The following CDK5RAP2 variants were observed in gnomAD, a reference collection of about 807,000 sequenced individuals.
CDK5RAP2 encodes CDK5 regulatory subunit-associated protein 2.
In CDK5RAP2, 147 loss-of-function variants were observed where a neutral mutation model predicts 232.9. The ratio of observed to expected loss-of-function variants is 0.63; its 90% CI spans 0.55 to 0.72. The LOEUF is 0.72. Ranked by LOEUF, CDK5RAP2 falls within the 30% of genes least tolerant of loss-of-function variation. The pLI is 0.00. For missense variants in CDK5RAP2, 2,195 were observed against 2,231.5 expected (o/e 0.98, Z 0.33); for synonymous variants, 833 against 833.7 (o/e 1.00, Z 0.01).
At chr9:120,470,008 GGA>G in intron 17 of CDK5RAP2, 101 bp downstream of exon 17, 2 of 675,876 alleles carry the variant, frequency 3.0e-6, no homozygotes, top group Non-Finnish European at 5.4e-6. Flanking sequence ...CAGGAAGGAA[GGA>G]GAGAGGCCTT....
intron 10 of CDK5RAP2, among the ~76,000 whole-genome samples, chr9:120,526,813 T>C (rs1158336206): frequency 6.6e-6 from 1 of 152,176 alleles, no homozygotes; most frequent in Non-Finnish European, 1.5e-5. Context: ...AACTCCAAAC[T>C]GTCTGTGGTG....
Position 120,580,137 on chromosome 9 carries a change from C to T in CDK5RAP2, c.-159G>A, listed in dbSNP as rs554211842. The T allele has an allele frequency of 3.9e-4, 229 of 590,028 alleles. No homozygotes were observed. The African/African-American group carries it at 4.1e-3, about 10-fold the overall frequency. The allele number at this position is 590,028 out of a possible 1,614,324, so 36.5% of individuals were successfully genotyped here. On this transcript the variant is annotated 5_prime_UTR_variant, in exon 1 of 38. The change abolishes an upstream ATG in the 5' untranslated region. Coordinates refer to ENST00000349780, the MANE Select transcript of CDK5RAP2 (RefSeq NM_018249.6). Reference sequence around the variant, plus strand: ...CTGGAATTCAAACCACAGACGCCGCCATCTTTCCCGGCGCTTCTTCCTACG... The same window carrying T: ...CTGGAATTCAAACCACAGACGCCGCTATCTTTCCCGGCGCTTCTTCCTACG...
At chr9:120,531,468 G>A (rs2041150353) in intron 7 of CDK5RAP2, among the ~76,000 whole-genome samples, 2 of 152,148 alleles carry the variant, frequency 1.3e-5, no homozygotes, top group African/African-American at 4.8e-5. Flanking sequence ...GCCATGGCAA[G>A]TAATTCCATC....
rs113168498 is a variant in CDK5RAP2 at position 120,474,107 on chromosome 9, C to T, written c.1728-2229G>A. Among the ~76,000 whole-genome samples the T allele has an allele frequency of 1.9e-3, 295 of 152,244 alleles. 1 individual carries two copies. The highest frequency in any genetic ancestry group is 6.7e-3 in the African/African-American group (278 of 41,546). ...AACTAACTGAGTCCTGATTTCCTCA[C>T]GCAAAATGGGAATAATAATACCTTT... On this transcript the variant is annotated intron_variant, in intron 15 of 37. Coordinates refer to ENST00000349780, the MANE Select transcript of CDK5RAP2 (RefSeq NM_018249.6).
chr9:120,532,827 T>C (rs1294726003), intron 7 of CDK5RAP2, among the ~76,000 whole-genome samples: 1 of 152,158 alleles, frequency 6.6e-6, no homozygotes. Context: ...ATGCCGCCTT[T>C]AGCAAAGCTC....
intron 21 of CDK5RAP2, among the ~76,000 whole-genome samples, chr9:120,450,828 G>A (rs2036443208): frequency 6.6e-6 from 1 of 152,218 alleles, no homozygotes; most frequent in Admixed American, 6.5e-5. Flanking sequence ...AGGTTCAAGA[G>A]TCAGACCTCA....
intron 5 of CDK5RAP2, among the ~76,000 whole-genome samples, chr9:120,540,816 C>T (rs1402673147): frequency 6.6e-6 from 1 of 152,250 alleles, no homozygotes; most frequent in African/African-American, 2.4e-5. Flanking sequence ...GTGCTCTGCA[C>T]ACTAGCCCTT....
intron 20 of CDK5RAP2, among the ~76,000 whole-genome samples, chr9:120,454,491 C>T (rs539764321): frequency 1.3e-5 from 2 of 152,328 alleles, no homozygotes; most frequent in South Asian, 4.1e-4. Context: ...AGTATTCCTC[C>T]ACAAGACAGC....
At chr9:120,507,926 AAAAAAAAAAAAAAAAAATAT>A (rs1234870163) in intron 12 of CDK5RAP2, among the ~76,000 whole-genome samples, 3 of 68,446 alleles carry the variant, frequency 4.4e-5, no homozygotes, top group Non-Finnish European at 6.5e-5. Flanking sequence ...AAAAAAAAAA[AAAAAAAAAAAAAAAAAATAT>A]ATATATATAT....
At chr9:120,496,080 G>A (rs1158002605) in intron 12 of CDK5RAP2, among the ~76,000 whole-genome samples, 5 of 63,908 alleles carry the variant, frequency 7.8e-5, no homozygotes, top group South Asian at 8.3e-4. Context: ...GGTGAGGGGC[G>A]CCTCTGCCCA....
intron 35 of CDK5RAP2, among the ~76,000 whole-genome samples, chr9:120,397,544 T>TAAAAAAAAAAA (rs760469422): frequency 1.8e-4 from 9 of 49,122 alleles, no homozygotes; most frequent in Admixed American, 2.8e-4. Context: ...AAAACATTCT[T>TAAAAAAAAAAA]AAAAAAAAAA....
chr9:120,538,955 G>A lies in CDK5RAP2; in HGVS notation c.507+86C>T, dbSNP rs180810023. 1.2e-4 allele frequency: 172 copies of A among 1,411,824 alleles called. No individual in the cohort carries two copies. The African/African-American group carries it at 1.8e-3, about 15-fold the overall frequency. 87.5% of individuals were successfully genotyped at this position (1,411,824 alleles called of 1,614,324 possible). A position where few individuals can be genotyped will look rare whatever the true frequency, so the allele number is the denominator to read the frequency against. ...AGCTGTTGTTTCTGCTGAAACTGAC[G>A]GTTTATAAAAAAAGAAACAAAACTG... On this transcript the variant is annotated intron_variant, in intron 6 of 37. Coordinates refer to ENST00000349780, the MANE Select transcript of CDK5RAP2 (RefSeq NM_018249.6).
intron 15 of CDK5RAP2, 109 bp downstream of exon 15, chr9:120,477,241 G>A: frequency 1.1e-6 from 1 of 877,702 alleles, no homozygotes; most frequent in Non-Finnish European, 1.9e-6. Context: ...AACTGGCAGG[G>A]CTTTGCTGCC....
intron 26 of CDK5RAP2, among the ~76,000 whole-genome samples, chr9:120,421,794 A>C (rs373706056): frequency 3.3e-5 from 5 of 152,370 alleles, no homozygotes; most frequent in African/African-American, 1.2e-4. Flanking sequence ...TTCAAGACAT[A>C]GGCTTTGCCC....
In CDK5RAP2 at chr9:120,448,136, CACATATGCA is replaced by C; in HGVS notation, c.2794-19_2794-11del. 1 of 1,585,624 alleles carries C rather than the reference CACATATGCA, an allele frequency of 6.3e-7. No homozygotes were observed. The highest frequency in any genetic ancestry group is 1.1e-5 in the South Asian group (1 of 90,502). On this transcript the variant is annotated splice_polypyrimidine_tract_variant and intron_variant, in intron 21 of 37. Transcript: ENST00000349780. ...GGGACTTCTTAGCCTCCTGAAAACA[CACATATGCA>C]ACAATGAATACACTTTGAACACACT...
intron 27 of CDK5RAP2, among the ~76,000 whole-genome samples, chr9:120,418,571 G>A (rs1261753695): frequency 6.6e-6 from 1 of 152,156 alleles, no homozygotes; most frequent in East Asian, 1.9e-4. Flanking sequence ...GTGGCACTAG[G>A]GACAGGGAAA....
chr9:120,499,148 A>AC (rs2039456201), intron 12 of CDK5RAP2, among the ~76,000 whole-genome samples: 1 of 152,202 alleles, frequency 6.6e-6, no homozygotes, highest in African/African-American at 2.4e-5. Context: ...AGAGATTACT[A>AC]CCCTTTTTAA....
intron 13 of CDK5RAP2, 44 bp from the exon 14 acceptor site, chr9:120,487,481 A>G: frequency 6.8e-7 from 1 of 1,465,728 alleles, no homozygotes; most frequent in Non-Finnish European, 9.3e-7. Flanking sequence ...CATCAAGAAA[A>G]AAAATATTAA....
At chr9:120,558,371 CAAAAAAAAA>C (rs60669308) in intron 3 of CDK5RAP2, among the ~76,000 whole-genome samples, 34 of 40,076 alleles carry the variant, frequency 8.5e-4, no homozygotes, top group South Asian at 8.1e-3. Flanking sequence ...GACTCCGTCT[CAAAAAAAAA>C]AAAAAAAAAA....
Sources: allele counts gnomAD v4.1 joint callset (sites outside exome capture counted in the v4.1 genomes callset), GRCh38; gene constraint gnomAD v4.1.1; transcripts MANE v1.5; gene names NCBI Gene and HGNC (gene_info 2026-07-23, HGNC 2026-07-21).